Variants in OXCT1 observed in about 807,000 individuals in gnomAD.
OXCT1 encodes the protein 3-oxoacid CoA-transferase 1, also known as succinyl-CoA:3-ketoacid coenzyme A transferase 1, mitochondrial.
OXCT1 carries 27 observed loss-of-function variants against 69.6 expected under a neutral mutation model. That is an observed-to-expected ratio of 0.39 (90% CI 0.29 to 0.54). The LOEUF is 0.54. OXCT1 is among the 20% of genes least tolerant of loss of function. The pLI, the probability that OXCT1 is intolerant of heterozygous loss-of-function variation, is 0.72. For synonymous variants in OXCT1, 202 were observed against 217.8 expected (o/e 0.93, Z 0.64); for missense variants, 437 against 650.2 (o/e 0.67, Z 3.57).
intron 1 of OXCT1, among the ~76,000 whole-genome samples, chr5:41,867,531 T>C (rs930866937): frequency 1.3e-5 from 2 of 152,188 alleles, no homozygotes; most frequent in African/African-American, 2.4e-5. Context: ...TGGTGATCAA[T>C]TGGAAGTGCA....
intron 11 of OXCT1, among the ~76,000 whole-genome samples, chr5:41,797,966 G>A (rs1746255629): frequency 6.6e-6 from 1 of 152,168 alleles, no homozygotes; most frequent in Non-Finnish European, 1.5e-5. Flanking sequence ...GCTTCTCAGA[G>A]AGACACTAGA....
chr5:41,818,705 T>A (rs1747376228), intron 7 of OXCT1, among the ~76,000 whole-genome samples: 1 of 152,166 alleles, frequency 6.6e-6, no homozygotes, highest in Non-Finnish European at 1.5e-5. Context: ...TTTGCATATG[T>A]TCTAATATTA....
intron 7 of OXCT1, among the ~76,000 whole-genome samples, chr5:41,817,783 T>A (rs140652073): frequency 1.3e-5 from 2 of 152,276 alleles, no homozygotes; most frequent in African/African-American, 4.8e-5. Flanking sequence ...AGACACACTA[T>A]ACCAGGCAGT....
chr5:41,732,877 G>C lies in OXCT1; in HGVS notation c.1522-1107C>G, dbSNP rs578050144. Among the ~76,000 whole-genome samples the C allele has an allele frequency of 9.2e-5, 14 of 152,216 alleles. 3 individuals are homozygous for C. The highest frequency in any genetic ancestry group is 3.4e-4 in the African/African-American group (14 of 41,512). On this transcript the variant is annotated intron_variant, in intron 16 of 16. Coordinates refer to ENST00000196371, the MANE Select transcript of OXCT1 (RefSeq NM_000436.4). The stretch of plus-strand genomic sequence containing the variant: ...AGTTCATTTATAAATGTCTGCATTA[G>C]CTCTTCACAATTAACTCTTCATAGT...
At chr5:41,769,419 C>T (rs1342221786) in intron 13 of OXCT1, among the ~76,000 whole-genome samples, 1 of 152,036 alleles carries the variant, frequency 6.6e-6, no homozygotes, top group Admixed American at 6.6e-5. Flanking sequence ...GCCTTACCAC[C>T]TAATCAAGAC....
intron 11 of OXCT1, among the ~76,000 whole-genome samples, chr5:41,798,003 T>C (rs754661323): frequency 6.6e-6 from 1 of 152,100 alleles, no homozygotes; most frequent in Non-Finnish European, 1.5e-5. Flanking sequence ...GGGAAGGGCA[T>C]TTCTGAGCTA....
chr5:41,813,160 A>C (rs761920643), intron 7 of OXCT1, among the ~76,000 whole-genome samples: 1 of 152,052 alleles, frequency 6.6e-6, no homozygotes, highest in Non-Finnish European at 1.5e-5. Context: ...CCCTTCACAT[A>C]AGAGTCTTAT....
intron 4 of OXCT1, among the ~76,000 whole-genome samples, chr5:41,852,996 G>A (rs756717828): frequency 1.3e-5 from 2 of 151,474 alleles, no homozygotes; most frequent in Non-Finnish European, 2.9e-5. Context: ...GCTTGAACTC[G>A]GGAGGTGGAG....
At chr5:41,788,670 T>A (rs199657632) in intron 13 of OXCT1, among the ~76,000 whole-genome samples, 1 of 152,158 alleles carries the variant, frequency 6.6e-6, no homozygotes, top group African/African-American at 2.4e-5. Context: ...AAAAGTGGTA[T>A]AACTGAAAGG....
intron 15 of OXCT1, among the ~76,000 whole-genome samples, chr5:41,748,066 A>T (rs1024307712): frequency 1.3e-5 from 2 of 152,130 alleles, no homozygotes; most frequent in Admixed American, 6.6e-5. Context: ...AAAAGTTTTT[A>T]AAATGATAGT....
intron 14 of OXCT1, among the ~76,000 whole-genome samples, chr5:41,758,559 G>A (rs1744196784): frequency 6.6e-6 from 1 of 151,328 alleles, no homozygotes; most frequent in African/African-American, 2.4e-5. Flanking sequence ...GAGCCACTGA[G>A]TGAAAAATAG....
chr5:41,848,440 G>T (rs1749026924), intron 5 of OXCT1, among the ~76,000 whole-genome samples: 1 of 146,720 alleles, frequency 6.8e-6, no homozygotes, highest in Admixed American at 6.9e-5. Flanking sequence ...CTACTTTAAA[G>T]TTCATATGGA....
Position 41,870,297 on chromosome 5 carries a change from C to T in OXCT1, c.62G>A (p.Gly21Glu). 1 of 1,613,932 alleles carries T rather than the reference C, an allele frequency of 6.2e-7. No homozygotes were observed. Among genetic ancestry groups the T allele is most frequent in the African/African-American group, 1.3e-5 (1 of 75,056 alleles). ...LRLCASARGS[G>E]ATWYKGCVCS... ...GCACTTTACCTTGTACCAGGTTGCCCCAGATCCGCGGGCAGAGGCGCAGAG... is the reference window on the plus strand; with the variant it reads ...GCACTTTACCTTGTACCAGGTTGCCTCAGATCCGCGGGCAGAGGCGCAGAG... The change falls in exon 1 of 17, where the codon GGG (glycine) becomes GAG (glutamate). Residue 21 changes from glycine (G) to glutamate (E), a missense_variant. Physicochemically the swap from Gly to Glu is moderately conservative, Grantham distance 98. Transcript: ENST00000196371. This position sits in a 1 kb window ranked among gnomAD's most constrained non-coding sequence, Gnocchi z 4.2.
At chr5:41,834,134 C>T (rs2112375535) in intron 7 of OXCT1, among the ~76,000 whole-genome samples, 1 of 151,262 alleles carries the variant, frequency 6.6e-6, no homozygotes, top group Admixed American at 6.6e-5. Flanking sequence ...CTCATGCTAA[C>T]ATCAAATACA....
rs1337281619 is a variant in OXCT1, at chr5:41,861,415, C to G, written c.188-11G>C. 2.6e-6 allele frequency: 4 copies of G among 1,537,262 alleles called. No individual in the cohort carries two copies. The highest frequency in any genetic ancestry group is 2.7e-5 in the African/African-American group (2 of 73,578). ...CACATAGCCCAAAACCTATATTAAG[C>G]CCAAAAAATAAACAATTTGTAAAGG... is the stretch of plus-strand genomic sequence containing the variant. On this transcript the variant is annotated splice_polypyrimidine_tract_variant and intron_variant, in intron 2 of 16. Coordinates refer to ENST00000196371, the MANE Select transcript of OXCT1 (RefSeq NM_000436.4).
intron 10 of OXCT1, 102 bp downstream of exon 10, chr5:41,802,967 C>A: frequency 1.2e-6 from 1 of 842,082 alleles, no homozygotes; most frequent in South Asian, 1.4e-5. Flanking sequence ...CACTTGCACC[C>A]TAAAAGCTAT....
chr5:41,765,545 C>G (rs1273685837), intron 13 of OXCT1, among the ~76,000 whole-genome samples: 4 of 152,068 alleles, frequency 2.6e-5, no homozygotes, highest in Non-Finnish European at 4.4e-5. Flanking sequence ...AAGTGGTGCC[C>G]AAATTATATG....
At chr5:41,819,833 C>A (rs1181440761) in intron 7 of OXCT1, among the ~76,000 whole-genome samples, 1 of 152,138 alleles carries the variant, frequency 6.6e-6, no homozygotes, top group Non-Finnish European at 1.5e-5. Flanking sequence ...TAGCTGCTGG[C>A]CATGGTTACC....
At position 41,870,108 on chromosome 5, in the gene OXCT1, G is replaced by A. The variant is rs1206866760; in HGVS notation, c.78+173C>T. Reference sequence around the variant, plus strand: ...CCAAGCAAAGGCGGTCATCCGAGGGGCCGGCGAGGCCAGGAACGCGTCGCC... The same window carrying A: ...CCAAGCAAAGGCGGTCATCCGAGGGACCGGCGAGGCCAGGAACGCGTCGCC... On this transcript the variant is annotated intron_variant, in intron 1 of 16. Transcript: ENST00000196371. The surrounding 1 kb of genome is among the most constrained non-coding windows in gnomAD (Gnocchi z 4.2). The A allele has an allele frequency of 5.9e-6, 4 of 678,568 alleles. No homozygotes were observed. Among genetic ancestry groups the A allele is most frequent in the Non-Finnish European group, 1.1e-5 (4 of 371,720 alleles). The allele number at this position is 678,568 out of a possible 1,614,324, so 42.0% of individuals were successfully genotyped here.
Sources: allele counts gnomAD v4.1 joint callset (sites outside exome capture counted in the v4.1 genomes callset), GRCh38; gene constraint gnomAD v4.1.1; non-coding constraint Gnocchi (gnomAD v3.1); transcripts MANE v1.5; gene names NCBI Gene and HGNC (gene_info 2026-07-23, HGNC 2026-07-21).